Variants in DOCK1 observed in about 807,000 individuals in gnomAD.
DOCK1 encodes the protein dedicator of cytokinesis protein 1.
Under a neutral mutation model 262.7 loss-of-function variants are expected in DOCK1, and 138 were observed. The observed-to-expected ratio is 0.53, with a 90% CI of 0.46 to 0.61. The LOEUF (loss-of-function observed/expected upper bound fraction) is 0.61. Ranked by LOEUF, DOCK1 falls within the 20% of genes least tolerant of loss-of-function variation. DOCK1 has a pLI of 0.00. For synonymous variants in DOCK1, 866 were observed against 867.4 expected, an observed-to-expected ratio of 1.00 and a Z score of 0.03; for missense variants, 1,908 against 2,370.7, an observed-to-expected ratio of 0.80 and a Z score of 4.05.
intron 27 of DOCK1, among the ~76,000 whole-genome samples, chr10:127,185,256 C>T (rs530506011): frequency 1.2e-4 from 18 of 152,260 alleles, no homozygotes; most frequent in Admixed American, 2.6e-4. Flanking sequence ...TGGCCAGGCA[C>T]GGTGGCTCAT....
At chr10:127,006,242 G>A (rs569383481) in intron 10 of DOCK1, among the ~76,000 whole-genome samples, 2 of 152,168 alleles carry the variant, frequency 1.3e-5, no homozygotes, top group African/African-American at 2.4e-5. Context: ...CTCTCCCTGC[G>A]AGACGTTTCT....
intron 38 of DOCK1, among the ~76,000 whole-genome samples, chr10:127,397,275 T>C (rs1185235813): frequency 6.8e-6 from 1 of 146,472 alleles, no homozygotes; most frequent in Non-Finnish European, 1.5e-5. Flanking sequence ...GCGACTCCTA[T>C]GTGATCTGAG....
intron 38 of DOCK1, among the ~76,000 whole-genome samples, chr10:127,385,653 T>A (rs1388691310): frequency 6.6e-6 from 1 of 152,216 alleles, no homozygotes; most frequent in East Asian, 1.9e-4. Flanking sequence ...ACAACGGGAA[T>A]GTATTCTCAT....
At chr10:127,235,651 G>C (rs1289454017) in intron 27 of DOCK1, among the ~76,000 whole-genome samples, 1 of 152,112 alleles carries the variant, frequency 6.6e-6, no homozygotes, top group Non-Finnish European at 1.5e-5. Context: ...ATTCTTAGAA[G>C]CAGCGTGGTT....
intron 29 of DOCK1, among the ~76,000 whole-genome samples, chr10:127,309,312 A>G (rs2061981705): frequency 6.6e-6 from 1 of 151,870 alleles, no homozygotes; most frequent in Admixed American, 6.6e-5. Context: ...AAATTTGCTT[A>G]ACTTCCTTGC....
intron 39 of DOCK1, 74 bp downstream of exon 39, chr10:127,403,218 T>G (rs866094342): frequency 2.7e-6 from 4 of 1,468,058 alleles, no homozygotes; most frequent in Non-Finnish European, 9.3e-7. Context: ...TCTCTTTCCA[T>G]GTCAATGTTA....
chr10:127,285,662 G>A (rs182871416), intron 29 of DOCK1, among the ~76,000 whole-genome samples: 244 of 152,360 alleles, frequency 1.6e-3, no homozygotes, highest in Non-Finnish European at 2.8e-3. Context: ...GAGTGGTCAT[G>A]TGGAAGGTGC....
intron 29 of DOCK1, among the ~76,000 whole-genome samples, chr10:127,301,666 C>T (rs2061682920): frequency 6.6e-6 from 1 of 152,132 alleles, no homozygotes; most frequent in South Asian, 2.1e-4. Context: ...AAGCTTTTGG[C>T]TGCGCGCTGT....
At chr10:127,366,813 C>T (rs1260929371) in intron 33 of DOCK1, among the ~76,000 whole-genome samples, 5 of 152,164 alleles carry the variant, frequency 3.3e-5, no homozygotes, top group African/African-American at 4.8e-5. Context: ...CCAGTTACCT[C>T]ACCTTATTAG....
At chr10:127,261,200 T>TGTGTGTACCTGCGTGGGTGTGCGTGG (rs2060069786) in intron 29 of DOCK1, among the ~76,000 whole-genome samples, 2 of 122,594 alleles carry the variant, frequency 1.6e-5, no homozygotes, top group Non-Finnish European at 1.7e-5. Flanking sequence ...CGGGTGTGTG[T>TGTGTGTACCTGCGTGGGTGTGCGTGG]GTGTACCTGC....
At chr10:127,167,510 G>A (rs1039208832) in intron 27 of DOCK1, among the ~76,000 whole-genome samples, 3 of 151,630 alleles carry the variant, frequency 2.0e-5, no homozygotes, top group Non-Finnish European at 4.4e-5. Context: ...GTTCCCCCCC[G>A]CCCCGAAACT....
intron 29 of DOCK1, among the ~76,000 whole-genome samples, chr10:127,295,148 A>G (rs1166178527): frequency 2.1e-4 from 32 of 152,154 alleles, no homozygotes; most frequent in Admixed American, 2.1e-3. Context: ...AACTTGATAA[A>G]CAAGAGGTTT....
intron 33 of DOCK1, among the ~76,000 whole-genome samples, 177 bp from the exon 34 acceptor site, chr10:127,373,604 A>G (rs1357861321): frequency 2.0e-5 from 3 of 152,266 alleles, no homozygotes; most frequent in South Asian, 2.1e-4. Context: ...CCCTATGGCA[A>G]GGGATCATCA....
At chr10:126,947,161 T>A (rs1291417582) in intron 1 of DOCK1, among the ~76,000 whole-genome samples, 11 of 152,232 alleles carry the variant, frequency 7.2e-5, no homozygotes, top group African/African-American at 2.7e-4. Flanking sequence ...GATGATGTGG[T>A]ATTCCATGGT....
intron 1 of DOCK1, among the ~76,000 whole-genome samples, chr10:126,948,513 G>C (rs1014224045): frequency 6.6e-6 from 1 of 151,758 alleles, no homozygotes; most frequent in Non-Finnish European, 1.5e-5. Context: ...CTGTCCAGCC[G>C]GGCCTTTTGA....
intron 33 of DOCK1, among the ~76,000 whole-genome samples, chr10:127,369,428 T>C (rs557896689): frequency 6.6e-6 from 1 of 152,344 alleles, no homozygotes; most frequent in South Asian, 2.1e-4. Flanking sequence ...CTCCAGGAGC[T>C]GCGATTATAT....
intron 27 of DOCK1, chr10:127,137,527 A>C (rs2049750013): frequency 3.7e-6 from 1 of 269,532 alleles, no homozygotes. Flanking sequence ...TCGCAGGTTG[A>C]TAATGTATTA....
At chr10:127,033,585 G>A (rs1026301344) in intron 18 of DOCK1, among the ~76,000 whole-genome samples, 5 of 152,138 alleles carry the variant, frequency 3.3e-5, no homozygotes, top group Non-Finnish European at 7.3e-5. Flanking sequence ...TTAACTGCCC[G>A]ATACAGATTT....
At chr10:127,436,583 C>T (rs539391285) in intron 48 of DOCK1, among the ~76,000 whole-genome samples, 1 of 151,902 alleles carries the variant, frequency 6.6e-6, no homozygotes, top group Non-Finnish European at 1.5e-5. Context: ...GCCCCCATGC[C>T]CCATCATGCA....
Sources: allele counts gnomAD v4.1 joint callset (sites outside exome capture counted in the v4.1 genomes callset), GRCh38; gene constraint gnomAD v4.1.1; transcripts MANE v1.5; gene names NCBI Gene and HGNC (gene_info 2026-07-23, HGNC 2026-07-21).